VKORC1L1: variants seen among roughly 807,000 people sequenced by gnomAD.
The protein encoded by VKORC1L1 is vitamin K epoxide reductase complex subunit 1L1.
VKORC1L1 carries 2 observed loss-of-function variants against 18.9 expected under a neutral mutation model. That is an observed-to-expected ratio of 0.11 (90% CI 0.04 to 0.33). VKORC1L1 has a LOEUF of 0.33. VKORC1L1 is among the 10% of genes least tolerant of loss of function. The pLI, the probability that VKORC1L1 is intolerant of heterozygous loss-of-function variation, is 1.00. For missense variants in VKORC1L1, 123 were observed against 224.1 expected (o/e 0.55, Z 2.88); for synonymous variants, 96 against 100.0 (o/e 0.96, Z 0.24).
At chr7:65,938,819 G>A (rs897841608) in intron 1 of VKORC1L1, among the ~76,000 whole-genome samples, 4 of 152,166 alleles carry the variant, frequency 2.6e-5, no homozygotes, top group Non-Finnish European at 5.9e-5. Context: ...TGAAACAGCC[G>A]AGTCCGGGGA....
intron 2 of VKORC1L1, among the ~76,000 whole-genome samples, chr7:65,949,703 G>C (rs1165081146): frequency 6.6e-6 from 1 of 151,856 alleles, no homozygotes; most frequent in Non-Finnish European, 1.5e-5. Context: ...AGAATCACTT[G>C]AGTCCAAGAG....
At chr7:65,927,226 G>T (rs1389130596) in intron 1 of VKORC1L1, among the ~76,000 whole-genome samples, 1 of 152,120 alleles carries the variant, frequency 6.6e-6, no homozygotes, top group Non-Finnish European at 1.5e-5. Context: ...GACAAAGGTT[G>T]CAGTGAGCCA....
At chr7:65,892,050 G>T (rs1015126675) in intron 1 of VKORC1L1, among the ~76,000 whole-genome samples, 1 of 151,928 alleles carries the variant, frequency 6.6e-6, no homozygotes, top group African/African-American at 2.4e-5. Context: ...TCATCTTTCT[G>T]TGCCTGGCTT....
At chr7:65,944,898 C>T (rs1790092288) in intron 1 of VKORC1L1, among the ~76,000 whole-genome samples, 1 of 148,098 alleles carries the variant, frequency 6.8e-6, no homozygotes, top group African/African-American at 2.5e-5. Context: ...ACATTATTGA[C>T]AGAGTGAGAC....
chr7:65,886,526 T>G (rs1036084778), intron 1 of VKORC1L1, among the ~76,000 whole-genome samples: 15 of 146,924 alleles, frequency 1.0e-4, no homozygotes, highest in South Asian at 2.2e-4. Flanking sequence ...AAGGTGAGAG[T>G]TTTTTTTTTA....
chr7:65,876,189 T>C (rs1788824488), intron 1 of VKORC1L1, among the ~76,000 whole-genome samples: 2 of 152,208 alleles, frequency 1.3e-5, no homozygotes, highest in South Asian at 4.1e-4. Context: ...CCTGTCACCA[T>C]CATTTCATTT....
At chr7:65,895,480 AATATAT>A (rs1162173957) in intron 1 of VKORC1L1, among the ~76,000 whole-genome samples, 2,411 of 42,474 alleles carry the variant, frequency 0.057, 124 homozygotes, top group Non-Finnish European at 0.062. Context: ...AAAAAAAAAA[AATATAT>A]ATATATATAT....
At chr7:65,895,473 AAAAAAAAATATAT>A (rs1293106783) in intron 1 of VKORC1L1, among the ~76,000 whole-genome samples, 60 of 48,648 alleles carry the variant, frequency 1.2e-3, no homozygotes, top group Non-Finnish European at 1.4e-3. Flanking sequence ...AAAAAAAAAA[AAAAAAAAATATAT>A]ATATATATAT....
At chr7:65,941,673 G>GTTTTTTTTTTTTTTTT (rs57537567) in intron 1 of VKORC1L1, among the ~76,000 whole-genome samples, 2 of 66,500 alleles carry the variant, frequency 3.0e-5, no homozygotes, top group Non-Finnish European at 5.5e-5. Context: ...TTTTCTTAAG[G>GTTTTTTTTTTTTTTTT]TTTTTTTTTT....
chr7:65,892,999 T>C (rs1307732994), intron 1 of VKORC1L1, among the ~76,000 whole-genome samples: 1 of 152,196 alleles, frequency 6.6e-6, no homozygotes, highest in Admixed American at 6.5e-5. Context: ...AAGTGTACAA[T>C]AGGGTTTTCC....
At chr7:65,868,778 G>T (rs1386269885), upstream of VKORC1L1, among the ~76,000 whole-genome samples, 3 of 152,158 alleles carry the variant, frequency 2.0e-5, no homozygotes, top group Non-Finnish European at 4.4e-5. Flanking sequence ...TACACATGAG[G>T]AGCAACAGAT....
intron 1 of VKORC1L1, among the ~76,000 whole-genome samples, chr7:65,902,457 A>T (rs1789334357): frequency 6.6e-6 from 1 of 152,212 alleles, no homozygotes; most frequent in South Asian, 2.1e-4. Context: ...TGAGAACAGA[A>T]AGAAAAATGG....
chr7:65,913,096 G>A (rs1789526589), intron 1 of VKORC1L1, among the ~76,000 whole-genome samples: 1 of 152,210 alleles, frequency 6.6e-6, no homozygotes, highest in Admixed American at 6.5e-5. Flanking sequence ...GCAAATGAAA[G>A]AGCATCCTGT....
intron 1 of VKORC1L1, among the ~76,000 whole-genome samples, chr7:65,933,654 T>G (rs1247065051): frequency 2.0e-5 from 3 of 152,212 alleles, no homozygotes; most frequent in Non-Finnish European, 4.4e-5. Context: ...ACAATGTATG[T>G]CTTTTATTGG....
chr7:65,887,933 A>G (rs774734323), intron 1 of VKORC1L1, among the ~76,000 whole-genome samples: 6 of 152,194 alleles, frequency 3.9e-5, no homozygotes, highest in Non-Finnish European at 8.8e-5. Context: ...AGACTTTATC[A>G]CTTAGTGATA....
intron 1 of VKORC1L1, among the ~76,000 whole-genome samples, chr7:65,928,607 C>A (rs1337669882): frequency 2.0e-5 from 3 of 152,084 alleles, no homozygotes; most frequent in Non-Finnish European, 2.9e-5. Flanking sequence ...AGTGATAGTC[C>A]ATGGTATGTA....
Position 65,954,198 on chromosome 7 carries a change from C to G in VKORC1L1, c.429C>G (p.Ile143Met). The change falls in exon 3 of 3, where the codon ATC (isoleucine) becomes ATG (methionine). Residue 143 changes from isoleucine (I) to methionine (M), a missense_variant. Physicochemically the swap from Ile to Met is conservative, Grantham distance 10. Coordinates refer to ENST00000360768, the MANE Select transcript of VKORC1L1 (RefSeq NM_173517.6). ...FVLKEFCIIC[I>M]VTYVLNFLLL... is the part of the protein sequence containing the mutation. ...TGAAGGAGTTCTGCATCATCTGCAT[C>G]GTCACGTACGTGCTGAACTTCCTTC... 6.2e-7 allele frequency: 1 copy of G among 1,614,132 alleles called. No individual in the cohort carries two copies. Among genetic ancestry groups the G allele is most frequent in the Non-Finnish European group, 8.5e-7 (1 of 1,180,034 alleles).
At position 65,873,387 on chromosome 7, in the gene VKORC1L1, C is replaced by T. The variant is rs781475060; in HGVS notation, c.16C>T (p.Leu6=). 6.5e-7 allele frequency: 1 copy of T among 1,542,332 alleles called. No individual in the cohort carries two copies. Among genetic ancestry groups the T allele is most frequent in the Non-Finnish European group, 8.7e-7 (1 of 1,147,804 alleles). The change falls in exon 1 of 3, where the codon CTG becomes TTG. Residue 6 remains leucine, a synonymous_variant. Transcript: ENST00000360768. ...CGGCGGGAAGATGGCGGCTCCCGTC[C>T]TGCTAAGAGTGTCGGTGCCGCGGTG... MAAPV[L]LRVSVPRWER...
At chr7:65,923,778 G>T (rs1789716394) in intron 1 of VKORC1L1, among the ~76,000 whole-genome samples, 1 of 152,208 alleles carries the variant, frequency 6.6e-6, no homozygotes, top group Admixed American at 6.5e-5. Context: ...TTTTTCTAAA[G>T]TTAATAGCTT....
Sources: gnomAD v4.1 joint callset for allele counts (sites outside exome capture counted in the v4.1 genomes callset) on GRCh38, gnomAD v4.1.1 for gene constraint, MANE v1.5 for transcripts, NCBI Gene and HGNC (gene_info 2026-07-23, HGNC 2026-07-21) for gene names.